The following NFIB variants were observed in gnomAD, a reference collection of about 807,000 sequenced individuals.
NFIB encodes the protein nuclear factor 1 B-type.
Under a neutral mutation model 61.5 loss-of-function variants are expected in NFIB, and 11 were observed. The observed-to-expected ratio is 0.18, with a 90% CI of 0.11 to 0.30. The LOEUF (loss-of-function observed/expected upper bound fraction) is 0.30, where lower values mean the gene tolerates loss of function less well. Ranked by LOEUF, NFIB falls within the 10% of genes least tolerant of loss-of-function variation. The probability of loss-of-function intolerance (pLI) is 1.00; values close to 1 mark genes in which losing one functional copy is unlikely to be tolerated. For missense variants in NFIB, 471 were observed against 608.9 expected (o/e 0.77, Z 2.38); for synonymous variants, 260 against 216.5 (o/e 1.20, Z -1.76).
chr9:14,307,380 G>A lies in NFIB; in HGVS notation c.171C>T (p.Val57=). The change falls in exon 2 of 11, where the codon GTC becomes GTT. Residue 57 remains valine (V), a synonymous_variant. Coordinates refer to ENST00000380953, the MANE Select transcript of NFIB (RefSeq NM_001190737.2). This position sits in a 1 kb window ranked among gnomAD's most constrained non-coding sequence, Gnocchi z 5.3. The part of the protein sequence containing the change: ...KRMSKDEERA[V]KDELLSEKPE... ...GCTTTTCACTGAGAAGCTCATCTTT[G>A]ACTGCTCTTTCTTCATCCTTTGACA... The A allele has an allele frequency of 6.2e-7, 1 of 1,613,948 alleles. No homozygotes were observed. Among genetic ancestry groups the A allele is most frequent in the African/African-American group, 1.3e-5 (1 of 74,976 alleles).
chr9:14,502,557 T>C, the NFIB span, among the ~76,000 whole-genome samples: 1 of 152,180 alleles, frequency 6.6e-6, no homozygotes, highest in Non-Finnish European at 1.5e-5. Context: ...TATAAATGGG[T>C]ACGTAAGTCA....
chr9:14,288,189 A>T (rs978756581), intron 2 of NFIB, among the ~76,000 whole-genome samples: 1 of 152,144 alleles, frequency 6.6e-6, no homozygotes, highest in African/African-American at 2.4e-5. Flanking sequence ...ATTCAAGATT[A>T]TATAACATAA....
chr9:14,426,565 A>G, the NFIB span, among the ~76,000 whole-genome samples: 1 of 152,232 alleles, frequency 6.6e-6, no homozygotes, highest in Non-Finnish European at 1.5e-5. Flanking sequence ...CTTTAAAAGC[A>G]GAAAAAAGGA....
the NFIB span, among the ~76,000 whole-genome samples, chr9:14,517,821 C>G: frequency 6.6e-6 from 1 of 152,124 alleles, no homozygotes. Flanking sequence ...GTCATGCTCT[C>G]TCTTGCCACT....
At chr9:14,156,631 G>A (rs2043442927) in intron 3 of NFIB, among the ~76,000 whole-genome samples, 1 of 152,182 alleles carries the variant, frequency 6.6e-6, no homozygotes, top group Non-Finnish European at 1.5e-5. Flanking sequence ...GGTCCACAGT[G>A]GCCATGGAGC....
intron 10 of NFIB, among the ~76,000 whole-genome samples, chr9:14,101,556 A>G (rs543098585): frequency 6.6e-6 from 1 of 152,224 alleles, no homozygotes; most frequent in South Asian, 2.1e-4. Flanking sequence ...AATTATGTCA[A>G]CTCTATCTGG....
chr9:14,421,340 G>A, the NFIB span, among the ~76,000 whole-genome samples: 1 of 152,148 alleles, frequency 6.6e-6, no homozygotes, highest in Non-Finnish European at 1.5e-5. Flanking sequence ...TTAATTATTG[G>A]ATGAGATACT....
chr9:14,340,107 T>A (rs1344248941), intron 1 of NFIB, among the ~76,000 whole-genome samples: 1 of 152,180 alleles, frequency 6.6e-6, no homozygotes, highest in Non-Finnish European at 1.5e-5. Flanking sequence ...AATTGTAAAG[T>A]GGGGCTCTAA....
upstream of NFIB, among the ~76,000 whole-genome samples, chr9:14,314,791 CTT>C (rs773956206): frequency 3.0e-5 from 4 of 133,952 alleles, no homozygotes; most frequent in South Asian, 2.5e-4. Context: ...AGAACCATGA[CTT>C]TTTTTTTTTT....
At chr9:14,252,498 T>C (rs2055743905) in intron 2 of NFIB, among the ~76,000 whole-genome samples, 1 of 152,094 alleles carries the variant, frequency 6.6e-6, no homozygotes, top group Admixed American at 6.6e-5. Context: ...GGCAGCAAGG[T>C]AAAGAAGTGT....
In NFIB at chr9:14,120,525, A is replaced by G. The variant is rs1227189878; in HGVS notation, c.1160T>C (p.Ile387Thr). 3 of 1,614,068 alleles carry G rather than the reference A, an allele frequency of 1.9e-6. No homozygotes were observed. The highest frequency in any genetic ancestry group is 1.7e-6 in the Non-Finnish European group (2 of 1,180,002). ...APSSYFSHPT[I>T]RYPPHLNPQD... The stretch of plus-strand genomic sequence containing the variant: ...AGGATTCAGGTGGGGAGGATATCTG[A>G]TTGTTGGATGAGAAAAGTAGCTCGA... The change falls in exon 8 of 11, where the codon ATC becomes ACC. Residue 387 changes from isoleucine to threonine, a missense_variant. Coordinates refer to ENST00000380953, the MANE Select transcript of NFIB (RefSeq NM_001190737.2). The surrounding 1 kb of genome is among the most constrained non-coding windows in gnomAD (Gnocchi z 4.4).
intron 3 of NFIB, among the ~76,000 whole-genome samples, chr9:14,173,391 T>A (rs555862814): frequency 1.7e-3 from 261 of 152,306 alleles, no homozygotes; most frequent in African/African-American, 6.1e-3. Context: ...ATCGTAACAC[T>A]AATATTTAGT....
intron 2 of NFIB, among the ~76,000 whole-genome samples, chr9:14,274,407 T>G (rs2057856846): frequency 6.6e-6 from 1 of 152,146 alleles, no homozygotes; most frequent in South Asian, 2.1e-4. Context: ...TCAGAAGGGA[T>G]GTCTTTTCAA....
chr9:14,286,303 T>C (rs1732285079), intron 2 of NFIB, among the ~76,000 whole-genome samples: 1 of 152,194 alleles, frequency 6.6e-6, no homozygotes, highest in South Asian at 2.1e-4. Flanking sequence ...CAGAACCCAA[T>C]GCAATTGCTC....
chr9:14,520,269 T>C, the NFIB span, among the ~76,000 whole-genome samples: 1 of 152,218 alleles, frequency 6.6e-6, no homozygotes, highest in Non-Finnish European at 1.5e-5. Flanking sequence ...ACTACACACA[T>C]TTTTTCCCTG....
At chr9:14,399,255 A>T (rs944851992), upstream of NFIB, among the ~76,000 whole-genome samples, 1 of 152,240 alleles carries the variant, frequency 6.6e-6, no homozygotes, top group African/African-American at 2.4e-5. Context: ...TTTAAGGCTC[A>T]CATTATATAT....
chr9:14,150,442 G>C (rs1410524839), intron 4 of NFIB, among the ~76,000 whole-genome samples, 177 bp from the exon 5 acceptor site: 1 of 152,078 alleles, frequency 6.6e-6, no homozygotes, highest in Non-Finnish European at 1.5e-5. Flanking sequence ...GCTCACCTTA[G>C]CAACGTTCAA....
At chr9:14,427,379 C>A in the NFIB span, among the ~76,000 whole-genome samples, 56 of 152,176 alleles carry the variant, frequency 3.7e-4, no homozygotes, top group Non-Finnish European at 6.8e-4. Flanking sequence ...CACGTGACAA[C>A]CCTTTAGGCA....
intron 2 of NFIB, chr9:14,305,842 C>T (rs896439608): frequency 2.6e-6 from 1 of 388,768 alleles, no homozygotes; most frequent in African/African-American, 2.1e-5. Context: ...TGGCTATCTG[C>T]AGGCCATTTT....
Sources: gnomAD v4.1 joint callset for allele counts (sites outside exome capture counted in the v4.1 genomes callset) on GRCh38, gnomAD v4.1.1 for gene constraint, Gnocchi (gnomAD v3.1) non-coding constraint, MANE v1.5 for transcripts, NCBI Gene and HGNC (gene_info 2026-07-23, HGNC 2026-07-21) for gene names.